The following RAP1GAP2 variants were observed in gnomAD, a reference collection of about 807,000 sequenced individuals.
RAP1GAP2 encodes RAP1 GTPase activating protein 2, also known as rap1 GTPase-activating protein 2.
Under a neutral mutation model 95.0 loss-of-function variants are expected in RAP1GAP2, and 27 were observed. The observed-to-expected ratio is 0.28, with a 90% CI of 0.21 to 0.39. The LOEUF is 0.39. Among genes scored for constraint, RAP1GAP2 ranks in the 10% least tolerant of loss-of-function variants. The probability of loss-of-function intolerance (pLI) is 1.00; values close to 1 mark genes in which losing one functional copy is unlikely to be tolerated. For synonymous variants in RAP1GAP2, 373 were observed against 380.9 expected, an observed-to-expected ratio of 0.98 and a Z score of 0.24; for missense variants, 771 against 970.0, an observed-to-expected ratio of 0.79 and a Z score of 2.72.
chr17:2,797,509 C>T lies in RAP1GAP2; in HGVS notation c.44+938C>T, dbSNP rs1185333750. 2.6e-5 allele frequency among the ~76,000 whole-genome samples: 4 copies of T among 151,484 alleles called. No individual in the cohort carries two copies. The highest frequency in any genetic ancestry group is 2.6e-4 in the Admixed American group (4 of 15,208). ...CCGCGGGAGGTGGCCGGGGGGTGTC[C>T]CGGTGTGGAAAATGGTGGACTAATG... On this transcript the variant is annotated intron_variant, in intron 1 of 24. Transcript: ENST00000254695. This position sits in a 1 kb window ranked among gnomAD's most constrained non-coding sequence, Gnocchi z 5.6.
rs1414372687 is a variant in RAP1GAP2 at position 2,980,174 on chromosome 17, C to A, written c.597-113C>A. The A allele has an allele frequency of 6.6e-6, 6 of 913,300 alleles. No homozygotes were observed. In the Admixed American group the frequency reaches 1.2e-4, roughly 18 times the overall value. 56.6% of individuals were successfully genotyped at this position (913,300 alleles called of 1,614,324 possible). ...GACAGGCTGGTCTCGAACTCCTGAC[C>A]TCAAGTGATCTGCCCTCCTTGGCCT... On this transcript the variant is annotated intron_variant, in intron 8 of 24. Transcript: ENST00000254695.
intron 2 of RAP1GAP2, among the ~76,000 whole-genome samples, chr17:2,815,850 G>A (rs775012046): frequency 7.2e-5 from 11 of 152,338 alleles, no homozygotes; most frequent in Admixed American, 1.3e-4. Flanking sequence ...ATGTGCCCTC[G>A]TGCCTGCAGG....
rs559929142 is a variant in RAP1GAP2, at chr17:2,842,986, C to T, written c.80+42436C>T. Among the ~76,000 whole-genome samples, 4 of 152,254 alleles carry T rather than the reference C, an allele frequency of 2.6e-5. No homozygotes were observed. The South Asian group carries it at 6.2e-4, about 24-fold the overall frequency. ...TTATTGAGGGCTAGCGTAGAGCAGACGCCATCCTGAGTGTGGGGTAGGGCG... is the reference window on the plus strand; with the variant it reads ...TTATTGAGGGCTAGCGTAGAGCAGATGCCATCCTGAGTGTGGGGTAGGGCG... On this transcript the variant is annotated intron_variant, in intron 2 of 24. Transcript: ENST00000254695.
In RAP1GAP2 at chr17:2,963,461, A is replaced by C; in HGVS notation, c.278A>C (p.Glu93Ala). The C allele has an allele frequency of 6.2e-7, 1 of 1,613,812 alleles. No homozygotes were observed. Among genetic ancestry groups the C allele is most frequent in the Non-Finnish European group, 8.5e-7 (1 of 1,179,804 alleles). Reference protein sequence around the residue: ...DDYIPYPSIDEVVEKGGPYPQ... With the variant: ...DDYIPYPSIDAVVEKGGPYPQ... ...TATATCCCATACCCCAGCATCGACG[A>C]GGTAGGTGCCCTCCCCTCACTCCCA... The change falls in exon 6 of 25, where the codon GAG becomes GCG. Residue 93 changes from glutamate (E) to alanine (A), a missense_variant and splice_region_variant. Glu to Ala is a moderately radical substitution (Grantham distance 107). Coordinates refer to ENST00000254695, the MANE Select transcript of RAP1GAP2 (RefSeq NM_015085.5). This position sits in a 1 kb window ranked among gnomAD's most constrained non-coding sequence, Gnocchi z 4.8.
chr17:2,844,309 T>C (rs533675094), intron 2 of RAP1GAP2, among the ~76,000 whole-genome samples: 15 of 152,238 alleles, frequency 9.9e-5, no homozygotes, highest in Admixed American at 2.0e-4. Flanking sequence ...CATGAGCCAC[T>C]GCGCCCGGCC....
rs376677490 is a variant in RAP1GAP2, at chr17:3,020,585, C to T, written c.1741C>T (p.Arg581Trp). ...HTGSEGQGDSRARCDSTSSTP... is the reference protein window; with the variant it reads ...HTGSEGQGDSWARCDSTSSTP... ...GGGCTCAGAAGGCCAGGGCGACAGC[C>T]GGGCACGATGGTAACTGTTGGGAAA... The change falls in exon 19 of 25, where the codon CGG becomes TGG. Residue 581 changes from arginine (R) to tryptophan (W), a missense_variant. Arg to Trp is a moderately radical substitution (Grantham distance 101). Transcript: ENST00000254695. The T allele has an allele frequency of 5.3e-5, 85 of 1,613,498 alleles. No individual in the cohort carries two copies. Among genetic ancestry groups the T allele is most frequent in the Admixed American group, 3.5e-4 (21 of 59,970 alleles).
intron 1 of RAP1GAP2, among the ~76,000 whole-genome samples, chr17:2,766,683 G>C (rs1461806572): frequency 6.6e-6 from 1 of 152,102 alleles, no homozygotes; most frequent in Non-Finnish European, 1.5e-5. Context: ...GATGCTCTGT[G>C]TCCCTGCCAT....
intron 2 of RAP1GAP2, among the ~76,000 whole-genome samples, chr17:2,824,319 C>T (rs1235867565): frequency 1.3e-4 from 20 of 151,006 alleles, no homozygotes; most frequent in East Asian, 3.9e-4. Flanking sequence ...TGGTGGCACA[C>T]GCCTGTAATC....
rs35435061 is a variant in RAP1GAP2, at chr17:2,875,944, G to GTT, written c.81-29330_81-29329dup. Among the ~76,000 whole-genome samples, 26 of 145,078 alleles carry GTT rather than the reference G, an allele frequency of 1.8e-4. No homozygotes were observed. The East Asian group carries it at 1.8e-3, about 10-fold the overall frequency. ...TGCATTGTTTTTTGTTTGTTTGTTT[G>GTT]TTTTTTTTTTTGAGATGGAATCTGG... On this transcript the variant is annotated intron_variant, in intron 2 of 24. Coordinates refer to ENST00000254695, the MANE Select transcript of RAP1GAP2 (RefSeq NM_015085.5).
intron 17 of RAP1GAP2, among the ~76,000 whole-genome samples, chr17:3,013,360 C>G (rs1159568346): frequency 6.6e-6 from 1 of 152,182 alleles, no homozygotes; most frequent in Non-Finnish European, 1.5e-5. Context: ...AGGATGGCCC[C>G]GCTGTTTTGG....
intron 1 of RAP1GAP2, among the ~76,000 whole-genome samples, chr17:2,767,223 G>A (rs1183652061): frequency 1.3e-5 from 2 of 151,710 alleles, no homozygotes; most frequent in African/African-American, 4.8e-5. Flanking sequence ...TTAACCGGGT[G>A]TGGTGACAGA....
At chr17:2,958,746 G>A (rs953429582) in intron 4 of RAP1GAP2, among the ~76,000 whole-genome samples, 4 of 150,164 alleles carry the variant, frequency 2.7e-5, no homozygotes, top group African/African-American at 9.7e-5. Context: ...AAGGGAGGAA[G>A]ATTCTGCAAT....
intron 2 of RAP1GAP2, among the ~76,000 whole-genome samples, chr17:2,818,753 G>A (rs1317671259): frequency 4.6e-5 from 7 of 152,166 alleles, no homozygotes; most frequent in East Asian, 1.9e-4. Flanking sequence ...GCGTTCTGGC[G>A]CTAGATTGCC....
chr17:2,878,291 G>T (rs1034905099), intron 2 of RAP1GAP2, among the ~76,000 whole-genome samples: 1 of 152,112 alleles, frequency 6.6e-6, no homozygotes, highest in Non-Finnish European at 1.5e-5. Context: ...AGGTCATTTA[G>T]GGACACATTG....
intron 13 of RAP1GAP2, among the ~76,000 whole-genome samples, chr17:2,996,855 G>C (rs2045976170): frequency 6.6e-6 from 1 of 152,254 alleles, no homozygotes; most frequent in East Asian, 1.9e-4. Flanking sequence ...TGTAAAACAG[G>C]TGCTCAGTGA....
chr17:2,984,877 G>A, intron 10 of RAP1GAP2, 106 bp from the exon 11 acceptor site: 7 of 1,542,808 alleles, frequency 4.5e-6, no homozygotes, highest in Non-Finnish European at 6.1e-6. Flanking sequence ...TTTCATACCA[G>A]GGAACACATT....
rs563158889 is a variant in RAP1GAP2, at chr17:2,959,505, G to A, written c.201+1711G>A. On this transcript the variant is annotated intron_variant, in intron 4 of 24. Transcript: ENST00000254695. ...GGTTCACTCTTAGTAAGAAGCTCAC[G>A]TATGGGGCACTGCTGGCCATGGAGT... Among the ~76,000 whole-genome samples, 12 of 152,326 alleles carry A rather than the reference G, an allele frequency of 7.9e-5. 1 individual carries two copies. The South Asian group carries it at 1.2e-3, about 16-fold the overall frequency.
At chr17:2,944,720 G>A (rs2043642174) in intron 3 of RAP1GAP2, among the ~76,000 whole-genome samples, 1 of 152,078 alleles carries the variant, frequency 6.6e-6, no homozygotes, top group Non-Finnish European at 1.5e-5. Context: ...CACTTTGAAT[G>A]GTACTGCCAC....
At chr17:3,007,181 G>A (rs1597858082) in intron 16 of RAP1GAP2, among the ~76,000 whole-genome samples, 1 of 152,152 alleles carries the variant, frequency 6.6e-6, no homozygotes, top group East Asian at 1.9e-4. Context: ...GAATGGTGGA[G>A]ACTCAGCCGG....
Sources: allele counts gnomAD v4.1 joint callset (sites outside exome capture counted in the v4.1 genomes callset), GRCh38; gene constraint gnomAD v4.1.1; non-coding constraint Gnocchi (gnomAD v3.1); transcripts MANE v1.5; gene names NCBI Gene and HGNC (gene_info 2026-07-23, HGNC 2026-07-21).